The following HS3ST5 variants were observed in gnomAD, a reference collection of about 807,000 sequenced individuals.
HS3ST5 encodes the protein heparan sulfate glucosamine 3-O-sulfotransferase 5.
A neutral mutation model predicts 25.4 loss-of-function variants in HS3ST5; 10 were observed. That is an observed-to-expected ratio of 0.39 (90% CI 0.24 to 0.67). The LOEUF (loss-of-function observed/expected upper bound fraction) is 0.67, where lower values mean the gene tolerates loss of function less well. Among genes scored for constraint, HS3ST5 ranks in the 30% least tolerant of loss-of-function variants. The pLI is 0.44. For missense variants in HS3ST5, 324 were observed against 420.7 expected, an observed-to-expected ratio of 0.77 and a Z score of 2.01; for synonymous variants, 170 against 162.4, an observed-to-expected ratio of 1.05 and a Z score of -0.36.
At chr6:114,155,674 TCATA>T (rs1778666593) in intron 3 of HS3ST5, among the ~76,000 whole-genome samples, 1 of 152,216 alleles carries the variant, frequency 6.6e-6, no homozygotes, top group Non-Finnish European at 1.5e-5. Flanking sequence ...ACCCATTATA[TCATA>T]CACCTAAGTG....
At chr6:114,311,984 A>G (rs1342297386) in intron 1 of HS3ST5, among the ~76,000 whole-genome samples, 2 of 152,226 alleles carry the variant, frequency 1.3e-5, no homozygotes, top group Non-Finnish European at 2.9e-5. Context: ...CCAACTAAGT[A>G]TTTTAACTAT....
At chr6:114,126,901 A>T (rs2114894277) in intron 3 of HS3ST5, among the ~76,000 whole-genome samples, 1 of 152,326 alleles carries the variant, frequency 6.6e-6, no homozygotes, top group South Asian at 2.1e-4. Context: ...TTAGGTTCAA[A>T]TGATGGTTTT....
chr6:114,280,610 A>G (rs1323050), intron 1 of HS3ST5, among the ~76,000 whole-genome samples: 74,068 of 151,866 alleles, frequency 0.49, 18,488 homozygotes, highest in African/African-American at 0.61. Context: ...CTTACACATC[A>G]TAAATGGTGT....
At chr6:114,189,429 A>C (rs1780389819) in intron 2 of HS3ST5, among the ~76,000 whole-genome samples, 1 of 152,008 alleles carries the variant, frequency 6.6e-6, no homozygotes, top group African/African-American at 2.4e-5. Flanking sequence ...AATTCTGAGA[A>C]TATTCCTTTG....
intron 1 of HS3ST5, among the ~76,000 whole-genome samples, chr6:114,263,174 TA>T (rs1773253280): frequency 6.6e-6 from 1 of 152,172 alleles, no homozygotes. Flanking sequence ...TTATTTTTAG[TA>T]GATAAGCATT....
chr6:114,312,168 A>C (rs1044035082), intron 1 of HS3ST5, among the ~76,000 whole-genome samples: 2 of 152,230 alleles, frequency 1.3e-5, no homozygotes, highest in Non-Finnish European at 2.9e-5. Context: ...CCAAGTGAAC[A>C]TTATCTAATA....
chr6:114,184,693 A>G (rs560565405), intron 2 of HS3ST5, among the ~76,000 whole-genome samples: 23 of 152,338 alleles, frequency 1.5e-4, no homozygotes, highest in African/African-American at 5.5e-4. Flanking sequence ...CTCTGTCCGA[A>G]GCTGTGGAGG....
chr6:114,169,316 CTCTT>C (rs1265467168), intron 2 of HS3ST5, among the ~76,000 whole-genome samples: 13 of 152,216 alleles, frequency 8.5e-5, no homozygotes, highest in African/African-American at 2.9e-4. Flanking sequence ...CACAGACAAT[CTCTT>C]TCAAGTAAAG....
chr6:114,146,175 T>C (rs1778154430), intron 3 of HS3ST5, among the ~76,000 whole-genome samples: 1 of 152,200 alleles, frequency 6.6e-6, no homozygotes, highest in Admixed American at 6.5e-5. Context: ...GAAGCAATCT[T>C]TGAGAGTAGA....
At chr6:114,276,606 T>G in intron 1 of HS3ST5, among the ~76,000 whole-genome samples, 1 of 29,282 alleles carries the variant, frequency 3.4e-5, no homozygotes, top group Middle Eastern at 0.011. Context: ...GCTATGAGAG[T>G]GTGGGAAAAA....
chr6:114,148,849 G>C (rs1778302269), intron 3 of HS3ST5, among the ~76,000 whole-genome samples: 1 of 152,110 alleles, frequency 6.6e-6, no homozygotes, highest in Admixed American at 6.5e-5. Context: ...CCATCTGACA[G>C]TCGTAATATC....
intron 1 of HS3ST5, among the ~76,000 whole-genome samples, chr6:114,295,264 ATATTT>A (rs1365505066): frequency 2.6e-5 from 4 of 152,234 alleles, no homozygotes; most frequent in African/African-American, 9.6e-5. Context: ...TTCATTTCAG[ATATTT>A]TATTAATCAA....
chr6:114,313,025 GAAAAAAAAAAA>G (rs5879258), intron 1 of HS3ST5, among the ~76,000 whole-genome samples: 6 of 16,126 alleles, frequency 3.7e-4, no homozygotes, highest in South Asian at 3.8e-3. Flanking sequence ...CCCTGCATCA[GAAAAAAAAAAA>G]AAAAAAAAAA....
chr6:114,181,598 A>G (rs1489157991), intron 2 of HS3ST5, among the ~76,000 whole-genome samples: 1 of 152,222 alleles, frequency 6.6e-6, no homozygotes, highest in Non-Finnish European at 1.5e-5. Flanking sequence ...AACGCCTGTT[A>G]CATGCTCTTG....
intron 1 of HS3ST5, among the ~76,000 whole-genome samples, chr6:114,254,223 A>C (rs1000943308): frequency 6.6e-6 from 1 of 152,178 alleles, no homozygotes; most frequent in African/African-American, 2.4e-5. Flanking sequence ...TCCCTGCCCC[A>C]CCTGAGATTT....
At chr6:114,332,765 T>C (rs1776456088) in intron 1 of HS3ST5, among the ~76,000 whole-genome samples, 1 of 151,806 alleles carries the variant, frequency 6.6e-6, no homozygotes, top group Non-Finnish European at 1.5e-5. Flanking sequence ...GTGAGCTACA[T>C]AGAAAAGGGG....
Position 114,322,796 on chromosome 6 carries a change from T to C in HS3ST5, c.-339+19399A>G, listed in dbSNP as rs114128898. On this transcript the variant is annotated intron_variant, in intron 1 of 4. Transcript: ENST00000312719. ...TTACTGCGATATGGCAATGCATGCA[T>C]ACCTAATAGTATAGACAGTATTAAA... 3.9e-3 allele frequency among the ~76,000 whole-genome samples: 599 copies of C among 152,268 alleles called. 3 individuals carry two copies. The highest frequency in any genetic ancestry group is 0.014 in the African/African-American group (569 of 41,578).
intron 1 of HS3ST5, among the ~76,000 whole-genome samples, chr6:114,280,703 C>T (rs1455105751): frequency 6.6e-6 from 1 of 152,008 alleles, no homozygotes; most frequent in Admixed American, 6.6e-5. Flanking sequence ...GACTTCATCT[C>T]TTCTCCTTTG....
intron 1 of HS3ST5, among the ~76,000 whole-genome samples, chr6:114,274,952 T>A (rs1297027248): frequency 6.6e-6 from 1 of 151,708 alleles, no homozygotes; most frequent in East Asian, 2.0e-4. Context: ...GAGCTGGGAT[T>A]AGAGGCCTTC....
Sources: allele counts gnomAD v4.1 joint callset (sites outside exome capture counted in the v4.1 genomes callset), GRCh38; gene constraint gnomAD v4.1.1; transcripts MANE v1.5; gene names NCBI Gene and HGNC (gene_info 2026-07-23, HGNC 2026-07-21).